Variants in DTD1 observed in about 807,000 individuals in gnomAD.
DTD1 encodes the protein D-aminoacyl-tRNA deacylase 1, also known as D-tyrosyl-tRNA deacylase 1 homolog.
Under a neutral mutation model 25.6 loss-of-function variants are expected in DTD1, and 13 were observed. The ratio of observed to expected loss-of-function variants is 0.51; its 90% CI spans 0.33 to 0.81. DTD1 has a LOEUF of 0.81. Among genes scored for constraint, DTD1 ranks in the 30% least tolerant of loss-of-function variants. The pLI is 0.02. For synonymous variants in DTD1, 110 were observed against 103.6 expected, an observed-to-expected ratio of 1.06 and a Z score of -0.37; for missense variants, 193 against 266.4, an observed-to-expected ratio of 0.72 and a Z score of 1.92.
intron 3 of DTD1, among the ~76,000 whole-genome samples, chr20:18,619,137 C>A (rs2060722876): frequency 6.6e-6 from 1 of 151,812 alleles, no homozygotes; most frequent in Non-Finnish European, 1.5e-5. Context: ...GAGCTACCTC[C>A]CCTGGCCTGT....
At chr20:18,747,901 C>G (rs2061306700) in intron 5 of DTD1, among the ~76,000 whole-genome samples, 1 of 151,846 alleles carries the variant, frequency 6.6e-6, no homozygotes, top group Non-Finnish European at 1.5e-5. Flanking sequence ...CACCTGTAGT[C>G]TCAGCTACTC....
chr20:18,679,500 T>A (rs1423924680), intron 4 of DTD1, among the ~76,000 whole-genome samples: 1 of 152,238 alleles, frequency 6.6e-6, no homozygotes. Context: ...TTCAAATAAT[T>A]ACCCTTTCTG....
chr20:18,701,370 A>C (rs1163288086), intron 4 of DTD1, among the ~76,000 whole-genome samples: 1 of 152,252 alleles, frequency 6.6e-6, no homozygotes, highest in Non-Finnish European at 1.5e-5. Context: ...TTTTAGAAAT[A>C]ATAGAAATGG....
intron 3 of DTD1, among the ~76,000 whole-genome samples, chr20:18,615,851 G>A (rs1453652018): frequency 6.6e-6 from 1 of 152,192 alleles, no homozygotes; most frequent in Non-Finnish European, 1.5e-5. Context: ...GGACGTCCAT[G>A]ATGCCCGTGC....
At chr20:18,702,070 T>A (rs1238504316) in intron 4 of DTD1, among the ~76,000 whole-genome samples, 1 of 152,214 alleles carries the variant, frequency 6.6e-6, no homozygotes, top group Non-Finnish European at 1.5e-5. Flanking sequence ...TAATAAATAT[T>A]TAGAGAGTCT....
intron 4 of DTD1, among the ~76,000 whole-genome samples, chr20:18,634,454 T>C (rs1253329323): frequency 6.6e-6 from 1 of 152,182 alleles, no homozygotes; most frequent in Non-Finnish European, 1.5e-5. Context: ...TGGAAGGAGC[T>C]AAAAAAATGA....
chr20:18,672,245 T>A (rs901880759), intron 4 of DTD1, among the ~76,000 whole-genome samples: 1 of 151,878 alleles, frequency 6.6e-6, no homozygotes, highest in African/African-American at 2.4e-5. Flanking sequence ...AATAAAAGAA[T>A]GTAAAAGCTA....
intron 4 of DTD1, among the ~76,000 whole-genome samples, chr20:18,633,059 A>G (rs528600308): frequency 6.6e-6 from 1 of 152,354 alleles, no homozygotes; most frequent in South Asian, 2.1e-4. Flanking sequence ...GGTGGACAGC[A>G]TAAGACAACT....
rs767372182 is a variant in DTD1 at position 18,744,201 on chromosome 20, C to T, written c.579C>T (p.Arg193=). 6 of 1,612,286 alleles carry T rather than the reference C, an allele frequency of 3.7e-6. No individual in the cohort carries two copies. The South Asian group carries it at 4.4e-5, about 12-fold the overall frequency. ...KERNTPRKED[R]SASSGAEGDV... Reference sequence around the variant, plus strand: ...GAAACACTCCCCGAAAAGAAGACCGCAGTGCCAGCAGCGGGGCTGAGGGCG... The same window carrying T: ...GAAACACTCCCCGAAAAGAAGACCGTAGTGCCAGCAGCGGGGCTGAGGGCG... Residue 193 remains arginine, a synonymous_variant, in exon 5 of 6, where the codon CGC becomes CGT. Transcript: ENST00000377452.
intron 4 of DTD1, among the ~76,000 whole-genome samples, chr20:18,658,615 C>T (rs931631319): frequency 1.3e-5 from 2 of 152,162 alleles, no homozygotes; most frequent in East Asian, 1.9e-4. Context: ...GTTTGTCATT[C>T]GAGTGCAACC....
chr20:18,666,895 T>C lies in DTD1; in HGVS notation c.477+38662T>C, dbSNP rs151271030. On this transcript the variant is annotated intron_variant, in intron 4 of 5. Coordinates refer to ENST00000377452, the MANE Select transcript of DTD1 (RefSeq NM_080820.6). ...CAACCCCTATAAATGAAACCCAGAGTTGAAGAAAACAAGGGATTTGTACCG... is the reference window on the plus strand; with the variant it reads ...CAACCCCTATAAATGAAACCCAGAGCTGAAGAAAACAAGGGATTTGTACCG... 1.7e-3 allele frequency among the ~76,000 whole-genome samples: 253 copies of C among 152,116 alleles called. 1 individual carries two copies. Among genetic ancestry groups the C allele is most frequent in the Admixed American group, 3.4e-3 (52 of 15,274 alleles).
chr20:18,698,102 A>G (rs1011063742), intron 4 of DTD1, among the ~76,000 whole-genome samples: 37 of 152,238 alleles, frequency 2.4e-4, no homozygotes, highest in Non-Finnish European at 3.8e-4. Context: ...GTATGAGCAA[A>G]TCAGTAAAAC....
chr20:18,645,049 G>C (rs1344807225), intron 4 of DTD1, among the ~76,000 whole-genome samples: 2 of 152,170 alleles, frequency 1.3e-5, no homozygotes, highest in African/African-American at 2.4e-5. Flanking sequence ...CAGTCGGAAG[G>C]CTGAGGCGAA....
chr20:18,749,809 C>T lies in DTD1; in HGVS notation c.*19+5538C>T, dbSNP rs1307540920. ...CTGTTGACATTAAGGTGAAATGGAG[C>T]CTCTGTCTGGTCAGGAACGCCCCTA... On this transcript the variant is annotated intron_variant, in intron 5 of 5. Transcript: ENST00000377452. This position sits in a 1 kb window ranked among gnomAD's most constrained non-coding sequence, Gnocchi z 4.2. Among the ~76,000 whole-genome samples, 2 of 152,206 alleles carry T rather than the reference C, an allele frequency of 1.3e-5. No homozygotes were observed. The highest frequency in any genetic ancestry group is 4.8e-5 in the African/African-American group (2 of 41,446).
chr20:18,654,274 G>T (rs113144080), intron 4 of DTD1, among the ~76,000 whole-genome samples: 7 of 152,250 alleles, frequency 4.6e-5, no homozygotes, highest in Non-Finnish European at 8.8e-5. Flanking sequence ...GTTTTATAAA[G>T]GGCAGTTCCC....
At chr20:18,696,436 G>A (rs909400784) in intron 4 of DTD1, among the ~76,000 whole-genome samples, 4 of 152,162 alleles carry the variant, frequency 2.6e-5, no homozygotes, top group African/African-American at 9.7e-5. Flanking sequence ...TAGACTGGGG[G>A]TCCTGCGGTC....
chr20:18,720,832 TG>T (rs57065313), intron 4 of DTD1, among the ~76,000 whole-genome samples: 3,810 of 152,340 alleles, frequency 0.025, 86 homozygotes, highest in African/African-American at 0.052. Flanking sequence ...CACTCCAGCC[TG>T]GGCGACAGAG....
At chr20:18,675,771 TAC>T (rs369279226) in intron 4 of DTD1, among the ~76,000 whole-genome samples, 17 of 230 alleles carry the variant, frequency 0.074, no homozygotes, top group African/African-American at 0.15. Flanking sequence ...TGTGTATATT[TAC>T]ACACATATAT....
At chr20:18,672,528 G>C (rs555350402) in intron 4 of DTD1, among the ~76,000 whole-genome samples, 1 of 151,774 alleles carries the variant, frequency 6.6e-6, no homozygotes, top group Admixed American at 6.6e-5. Flanking sequence ...TTCCCTGTTT[G>C]GGTCAAACTA....
Sources: allele counts gnomAD v4.1 joint callset (sites outside exome capture counted in the v4.1 genomes callset), GRCh38; gene constraint gnomAD v4.1.1; non-coding constraint Gnocchi (gnomAD v3.1); transcripts MANE v1.5; gene names NCBI Gene and HGNC (gene_info 2026-07-23, HGNC 2026-07-21).